PCDHGA1: variants seen among roughly 807,000 people sequenced by gnomAD.
The protein encoded by PCDHGA1 is protocadherin gamma-A1.
PCDHGA1 carries 32 observed loss-of-function variants against 58.0 expected under a neutral mutation model. The ratio of observed to expected loss-of-function variants is 0.55; its 90% CI spans 0.42 to 0.74. The LOEUF (loss-of-function observed/expected upper bound fraction) is 0.74. PCDHGA1 is among the 30% of genes least tolerant of loss of function. PCDHGA1 has a pLI of 0.00. For synonymous variants in PCDHGA1, 498 were observed against 501.1 expected, an observed-to-expected ratio of 0.99 and a Z score of 0.08; for missense variants, 1,205 against 1,182.3, an observed-to-expected ratio of 1.02 and a Z score of -0.28.
At chr5:141,337,681 G>T (rs941844335) in intron 1 of PCDHGA1, among the ~76,000 whole-genome samples, 2 of 152,188 alleles carry the variant, frequency 1.3e-5, no homozygotes, top group African/African-American at 2.4e-5. Flanking sequence ...GGATGAAAAA[G>T]TTCTGGAAGT....
chr5:141,402,357 G>C (rs1486286220), intron 1 of PCDHGA1, among the ~76,000 whole-genome samples: 1 of 151,812 alleles, frequency 6.6e-6, no homozygotes, highest in Non-Finnish European at 1.5e-5. Flanking sequence ...AAAAATGAAT[G>C]TACTTCCAAA....
intron 1 of PCDHGA1, among the ~76,000 whole-genome samples, chr5:141,470,717 A>G (rs1353989037): frequency 6.6e-6 from 1 of 152,010 alleles, no homozygotes; most frequent in Non-Finnish European, 1.5e-5. Flanking sequence ...TATTTTTTTG[A>G]GTCAGGGTCT....
chr5:141,437,262 G>A (rs1490690532), intron 1 of PCDHGA1, among the ~76,000 whole-genome samples: 1 of 152,152 alleles, frequency 6.6e-6, no homozygotes, highest in Non-Finnish European at 1.5e-5. Flanking sequence ...CTTTTTATGT[G>A]TATGACAGAT....
rs757333940 is a variant in PCDHGA1, at chr5:141,404,777, T to A, written c.2421+71672T>A. The A allele has an allele frequency of 7.4e-6, 12 of 1,613,404 alleles. 1 individual carries two copies. In the South Asian group the frequency reaches 1.3e-4, roughly 18 times the overall value. ...GAATGCTTGGCTCTCCTACCGCCTA[T>A]TCAAGGCCAGTGAGCCAGGGCTCTT... On this transcript the variant is annotated intron_variant, in intron 1 of 3. Transcript: ENST00000517417.
At chr5:141,404,287 C>A in intron 1 of PCDHGA1, 1 of 1,613,976 alleles carries the variant, frequency 6.2e-7, no homozygotes, top group Non-Finnish European at 8.5e-7. Flanking sequence ...TGACTGACAT[C>A]AATGATAATC....
At chr5:141,387,316 A>G (rs1239342995) in intron 1 of PCDHGA1, among the ~76,000 whole-genome samples, 3 of 152,214 alleles carry the variant, frequency 2.0e-5, no homozygotes, top group African/African-American at 7.2e-5. Flanking sequence ...TCTAATGAGT[A>G]AGTATGGAAA....
intron 1 of PCDHGA1, chr5:141,411,955 A>C (rs1427605209): frequency 6.6e-5 from 10 of 152,244 alleles, no homozygotes; most frequent in African/African-American, 1.2e-4. Context: ...TTTGAAGAAA[A>C]AAGATAAAAT....
At position 141,330,804 on chromosome 5, in the gene PCDHGA1, CAA is replaced by C; in HGVS notation, c.122_123del (p.Lys41ArgfsTer30). On this transcript the variant is annotated frameshift_variant, in exon 1 of 4. Coordinates refer to ENST00000517417, the MANE Select transcript of PCDHGA1 (RefSeq NM_018912.3). LOFTEE classifies it high-confidence loss of function. ...ACTACTCAGTGCCGGAAGAGACAGA[CAA>C]AGGTTCCTTCGTAGGCAACATCGCC... ...IHYSVPEETD[K>X]GSFVGNIAKD... is the part of the protein sequence containing the mutation. 3.7e-6 allele frequency: 6 copies of C among 1,614,180 alleles called. No individual in the cohort carries two copies. The highest frequency in any genetic ancestry group is 5.1e-6 in the Non-Finnish European group (6 of 1,180,040).
chr5:141,409,286 C>T (rs1304936825), intron 1 of PCDHGA1: 1 of 1,613,826 alleles, frequency 6.2e-7, no homozygotes, highest in African/African-American at 1.3e-5. Context: ...GAATTCACCT[C>T]CAGGAATGGT....
intron 2 of PCDHGA1, 35 bp from the exon 3 acceptor site, chr5:141,505,358 G>A (rs1156448862): frequency 6.2e-7 from 1 of 1,613,796 alleles, no homozygotes; most frequent in Non-Finnish European, 8.5e-7. Context: ...GTGCCGGCCT[G>A]GGAGTCTGTG....
In PCDHGA1 at chr5:141,332,460, G is replaced by A. The variant is rs554935959; in HGVS notation, c.1776G>A (p.Val592=). ...AEPGYLVTKV[V]AVDRDSGQNA... is the part of the protein sequence containing the mutation. ...CCGGCTACCTGGTGACCAAGGTGGT[G>A]GCGGTGGACAGAGACTCGGGCCAGA... is the stretch of plus-strand genomic sequence containing the variant. The change falls in exon 1 of 4, where the codon GTG becomes GTA. Residue 592 remains valine, a synonymous_variant. Transcript: ENST00000517417. This position sits in a 1 kb window ranked among gnomAD's most constrained non-coding sequence, Gnocchi z 4.6. 5.0e-6 allele frequency: 8 copies of A among 1,613,806 alleles called. No individual in the cohort carries two copies. The highest frequency in any genetic ancestry group is 1.3e-5 in the African/African-American group (1 of 75,040).
At chr5:141,507,106 A>T (rs1205648425) in intron 3 of PCDHGA1, 1 of 152,118 alleles carries the variant, frequency 6.6e-6, no homozygotes, top group African/African-American at 2.4e-5. Context: ...TACTATAGGG[A>T]CCATGGCTGC....
At position 141,341,199 on chromosome 5, in the gene PCDHGA1, T is replaced by C. The variant is rs150955204; in HGVS notation, c.2421+8094T>C. On this transcript the variant is annotated intron_variant, in intron 1 of 3. Transcript: ENST00000517417. ...ATGCAGAGCTCGCACTTTGTGGGCG[T>C]GGACGGGGTTCGGGCTTTCCTGCAG... 125 of 1,614,018 alleles carry C rather than the reference T, an allele frequency of 7.7e-5. No individual in the cohort carries two copies. The highest frequency in any genetic ancestry group is 3.3e-4 in the South Asian group (30 of 91,088).
rs769248665 is a variant in PCDHGA1, at chr5:141,341,015, G to A, written c.2421+7910G>A. On this transcript the variant is annotated intron_variant, in intron 1 of 3. Transcript: ENST00000517417. ...CGACCTGGGCAGCCTCGAGCCCTCCGCCATACCCAACGATTCGGACCTCAC... is the reference window on the plus strand; with the variant it reads ...CGACCTGGGCAGCCTCGAGCCCTCCACCATACCCAACGATTCGGACCTCAC... The A allele has an allele frequency of 7.4e-6, 12 of 1,614,126 alleles. No individual in the cohort carries two copies. The highest frequency in any genetic ancestry group is 2.2e-5 in the East Asian group (1 of 44,870).
chr5:141,374,511 T>C (rs1235970803), intron 1 of PCDHGA1: 45 of 1,611,794 alleles, frequency 2.8e-5, no homozygotes, highest in Non-Finnish European at 3.7e-5. Context: ...GTGAAAATTC[T>C]CGAAAACGCA....
chr5:141,451,497 G>T (rs2098717489), intron 1 of PCDHGA1, among the ~76,000 whole-genome samples: 1 of 152,214 alleles, frequency 6.6e-6, no homozygotes, highest in Admixed American at 6.5e-5. Flanking sequence ...CCTCCATAGG[G>T]CAACCAGCTT....
chr5:141,374,769 T>C, intron 1 of PCDHGA1: 1 of 1,613,762 alleles, frequency 6.2e-7, no homozygotes. Context: ...GCCCAAATTC[T>C]GGTAACAGTT....
chr5:141,419,605 G>A, intron 1 of PCDHGA1: 1 of 1,611,776 alleles, frequency 6.2e-7, no homozygotes, highest in Non-Finnish European at 8.5e-7. Flanking sequence ...CGCGGGCCGC[G>A]CAGCCAGGCT....
chr5:141,490,317 C>A lies in PCDHGA1; in HGVS notation c.2422-4490C>A, dbSNP rs2233604. ...TATTGGCCTCTTTGGCCAACCCTGT[C>A]CTAGAGAGCACACCAGTGGGCACAG... On this transcript the variant is annotated intron_variant, in intron 1 of 3. Coordinates refer to ENST00000517417, the MANE Select transcript of PCDHGA1 (RefSeq NM_018912.3). The surrounding 1 kb of genome is among the most constrained non-coding windows in gnomAD (Gnocchi z 5.4). 32,069 of 1,614,158 alleles carry A rather than the reference C, an allele frequency of 0.02. 521 individuals carry two copies. Among genetic ancestry groups the A allele is most frequent in the African/African-American group, 0.081 (6,098 of 75,022 alleles).
Sources: allele counts gnomAD v4.1 joint callset (sites outside exome capture counted in the v4.1 genomes callset), GRCh38; gene constraint gnomAD v4.1.1; non-coding constraint Gnocchi (gnomAD v3.1); transcripts MANE v1.5; gene names NCBI Gene and HGNC (gene_info 2026-07-23, HGNC 2026-07-21).